RASA1: variants seen among roughly 807,000 people sequenced by gnomAD.
The protein encoded by RASA1 is RAS p21 protein activator 1.
A neutral mutation model predicts 132.2 loss-of-function variants in RASA1; 25 were observed. That is an observed-to-expected ratio of 0.19 (90% CI 0.14 to 0.26). The LOEUF (loss-of-function observed/expected upper bound fraction) is 0.26. Ranked by LOEUF, RASA1 falls within the 10% of genes least tolerant of loss-of-function variation. The pLI is 1.00. For synonymous variants in RASA1, 477 were observed against 449.9 expected, an observed-to-expected ratio of 1.06 and a Z score of -0.76; for missense variants, 964 against 1,299.2, an observed-to-expected ratio of 0.74 and a Z score of 3.97.
intron 11 of RASA1, among the ~76,000 whole-genome samples, chr5:87,364,068 A>G (rs1347599193): frequency 2.6e-5 from 4 of 152,114 alleles, no homozygotes; most frequent in Non-Finnish European, 4.4e-5. Flanking sequence ...CTCAAGAACA[A>G]TGGCCTTTAC....
intron 5 of RASA1, among the ~76,000 whole-genome samples, chr5:87,340,134 A>G (rs542228741): frequency 5.3e-5 from 8 of 152,080 alleles, no homozygotes; most frequent in Non-Finnish European, 8.8e-5. Flanking sequence ...GAATGTTTCT[A>G]TGTTTATAGT....
Position 87,268,053 on chromosome 5 carries a change from C to G in RASA1, c.-399C>G. 2.4e-6 allele frequency: 1 copy of G among 412,018 alleles called. No homozygotes were observed. 25.5% of individuals were successfully genotyped at this position (412,018 alleles called of 1,614,324 possible). On this transcript the variant is annotated 5_prime_UTR_variant, in exon 1 of 25. Coordinates refer to ENST00000274376, the MANE Select transcript of RASA1 (RefSeq NM_002890.3). ...GTGGCTGCGGTGTGGGTGGCCGGAA[C>G]TGGGGTGGTGAAGAAGCGGTGGTGG...
rs1268135639 is a variant in RASA1, at chr5:87,268,732, G to C, written c.281G>C (p.Gly94Ala). 1 of 1,613,036 alleles carries C rather than the reference G, an allele frequency of 6.2e-7. No homozygotes were observed. The highest frequency in any genetic ancestry group is 1.1e-5 in the South Asian group (1 of 91,010). Residue 94 changes from glycine to alanine, a missense_variant, in exon 1 of 25, where the codon GGC (glycine) becomes GCC (alanine). By Grantham distance (60) the Gly-to-Ala change is moderately conservative. Around this residue, in one of 6 missense-constraint regions of RASA1, gnomAD observed 326 missense variants for 275.8 expected, o/e 1.18. Coordinates refer to ENST00000274376, the MANE Select transcript of RASA1 (RefSeq NM_002890.3). ...CTGACAGGGGGAGGTACTGCTGCTG[G>C]CGTAGCTGGTGCTGCTGCTGGCGTG... Reference protein sequence around the residue: ...AGLTGGGTAAGVAGAAAGVAG... With the variant: ...AGLTGGGTAAAVAGAAAGVAG...
In RASA1 at chr5:87,383,800, T is replaced by G. The variant is rs1761890020; in HGVS notation, c.2758+20T>G. On this transcript the variant is annotated intron_variant, in intron 21 of 24. Coordinates refer to ENST00000274376, the MANE Select transcript of RASA1 (RefSeq NM_002890.3). ...TCTCAGGTAATCAGCTTTTGATACA[T>G]TTTGAAATTCAAAATATTAGAATTA... The G allele has an allele frequency of 1.3e-6, 2 of 1,588,150 alleles. No homozygotes were observed. Among genetic ancestry groups the G allele is most frequent in the Non-Finnish European group, 1.7e-6 (2 of 1,158,094 alleles).
At chr5:87,302,035 A>G (rs1755389092) in intron 1 of RASA1, among the ~76,000 whole-genome samples, 1 of 152,152 alleles carries the variant, frequency 6.6e-6, no homozygotes, top group African/African-American at 2.4e-5. Context: ...ATGAACATGT[A>G]TAGACATTTA....
chr5:87,285,170 C>T (rs1256337036), intron 1 of RASA1, among the ~76,000 whole-genome samples: 4 of 151,680 alleles, frequency 2.6e-5, no homozygotes, highest in East Asian at 1.9e-4. Flanking sequence ...CGGGTTCAAG[C>T]GATTCTTCTG....
intron 1 of RASA1, among the ~76,000 whole-genome samples, chr5:87,317,408 T>A (rs547311547): frequency 6.6e-6 from 1 of 152,326 alleles, no homozygotes; most frequent in African/African-American, 2.4e-5. Flanking sequence ...CTCATCACTT[T>A]GCTTATTTGT....
intron 23 of RASA1, 85 bp from the exon 24 acceptor site, chr5:87,389,308 G>T: frequency 6.5e-7 from 1 of 1,542,584 alleles, no homozygotes; most frequent in Non-Finnish European, 8.9e-7. Context: ...TTCAGCCTGG[G>T]CAACAAGAGC....
chr5:87,383,449 A>G (rs1761864213), intron 20 of RASA1, among the ~76,000 whole-genome samples: 1 of 152,168 alleles, frequency 6.6e-6, no homozygotes, highest in Admixed American at 6.6e-5. Context: ...CAGATAAACA[A>G]CATTTTCCCA....
chr5:87,285,469 G>A (rs552928073), intron 1 of RASA1, among the ~76,000 whole-genome samples: 103 of 152,180 alleles, frequency 6.8e-4, no homozygotes, highest in African/African-American at 2.4e-3. Flanking sequence ...AATATAATAG[G>A]AGAAAAATTG....
intron 1 of RASA1, among the ~76,000 whole-genome samples, chr5:87,309,295 T>C (rs1755760699): frequency 6.6e-6 from 1 of 152,116 alleles, no homozygotes; most frequent in Admixed American, 6.5e-5. Context: ...ATAAATAGTA[T>C]AGAATTCTAG....
intron 4 of RASA1, 138 bp from the exon 5 acceptor site, chr5:87,337,836 C>T (rs1758083198): frequency 1.1e-6 from 1 of 873,810 alleles, no homozygotes; most frequent in African/African-American, 1.7e-5. Context: ...AAATAGGATA[C>T]AAATTTAGGG....
intron 18 of RASA1, among the ~76,000 whole-genome samples, chr5:87,379,022 G>C (rs1761524065): frequency 6.6e-6 from 1 of 152,114 alleles, no homozygotes; most frequent in Non-Finnish European, 1.5e-5. Context: ...AAGACAGTAA[G>C]TGGAATCTCA....
chr5:87,275,450 A>T (rs1754021389), intron 1 of RASA1, among the ~76,000 whole-genome samples: 1 of 152,162 alleles, frequency 6.6e-6, no homozygotes, highest in Non-Finnish European at 1.5e-5. Flanking sequence ...TATAATGTCC[A>T]CTGTGGCTTC....
intron 4 of RASA1, among the ~76,000 whole-genome samples, chr5:87,335,904 GATAA>G (rs1757942160): frequency 6.6e-6 from 1 of 152,162 alleles, no homozygotes; most frequent in Non-Finnish European, 1.5e-5. Context: ...AAAGTTCACT[GATAA>G]ATAGTTTTGG....
intron 24 of RASA1, among the ~76,000 whole-genome samples, chr5:87,390,436 C>A (rs1472045355): frequency 6.6e-6 from 1 of 151,804 alleles, no homozygotes; most frequent in Non-Finnish European, 1.5e-5. Context: ...CCCCTCCCCC[C>A]GCAGCTTTCA....
chr5:87,268,887 T>G lies in RASA1; in HGVS notation c.436T>G (p.Leu146Val), dbSNP rs1753695332. 2 of 1,613,928 alleles carry G rather than the reference T, an allele frequency of 1.2e-6. No homozygotes were observed. Among genetic ancestry groups the G allele is most frequent in the Non-Finnish European group, 1.7e-6 (2 of 1,179,948 alleles). The change falls in exon 1 of 25, where the codon TTG (leucine) becomes GTG (valine). Residue 146 changes from leucine to valine, a missense_variant. Physicochemically the swap from Leu to Val is conservative, Grantham distance 32 (BLOSUM62 1). This residue lies in a region of RASA1 where 326 missense variants were observed against 275.8 expected (regional missense o/e 1.18). Transcript: ENST00000274376. ...GCCCCCTCCCCCTTACCTGCCCCCT[T>G]TGGGGGCGGGCCTCGGGACAGTGGA... Reference protein sequence around the residue: ...PLPPPPYLPPLGAGLGTVDEG... With the variant: ...PLPPPPYLPPVGAGLGTVDEG...
chr5:87,334,521 C>T (rs901610734), intron 4 of RASA1, among the ~76,000 whole-genome samples: 7 of 152,138 alleles, frequency 4.6e-5, no homozygotes, highest in African/African-American at 1.2e-4. Flanking sequence ...TAAAATTAGC[C>T]ATCACAGTCC....
intron 17 of RASA1, 117 bp from the exon 18 acceptor site, chr5:87,378,279 A>C: frequency 8.1e-7 from 1 of 1,235,644 alleles, no homozygotes; most frequent in Admixed American, 1.7e-5. Context: ...CGCTGCACGC[A>C]AAAAGCACAT....
Sources: gnomAD v4.1 joint callset for allele counts (sites outside exome capture counted in the v4.1 genomes callset) on GRCh38, gnomAD v4.1.1 for gene constraint, gnomAD v4.1.1 regional missense constraint, MANE v1.5 for transcripts, NCBI Gene and HGNC (gene_info 2026-07-23, HGNC 2026-07-21) for gene names.